TMEM117: variants seen among roughly 807,000 people sequenced by gnomAD.
TMEM117 encodes the protein transmembrane protein 117.
In TMEM117, 27 loss-of-function variants were observed where a neutral mutation model predicts 52.4. The observed-to-expected ratio is 0.51, with a 90% confidence interval of 0.38 to 0.71. The LOEUF is 0.71. TMEM117 is among the 30% of genes least tolerant of loss of function. The pLI, the probability that TMEM117 is intolerant of heterozygous loss-of-function variation, is 0.00. For missense variants in TMEM117, 556 were observed against 630.5 expected (o/e 0.88, Z 1.26); for synonymous variants, 215 against 206.3 (o/e 1.04, Z -0.36).
At chr12:44,009,750 C>T in intron 3 of TMEM117, 1 of 260,156 alleles carries the variant, frequency 3.8e-6, no homozygotes, top group Non-Finnish European at 8.2e-6. Context: ...TTTGTTTGAC[C>T]AGGTTCTCTC....
chr12:44,394,526 A>G (rs1952173019), downstream of TMEM117, among the ~76,000 whole-genome samples: 1 of 152,234 alleles, frequency 6.6e-6, no homozygotes, highest in Non-Finnish European at 1.5e-5. Context: ...CAGATCCCTT[A>G]GTTTAAAGCA....
chr12:43,858,969 T>C (rs1462637887), intron 2 of TMEM117, among the ~76,000 whole-genome samples: 1 of 152,122 alleles, frequency 6.6e-6, no homozygotes, highest in African/African-American at 2.4e-5. Context: ...GACAGTCTCT[T>C]TTGAAGGGGG....
At chr12:44,070,282 G>A (rs907488022) in intron 3 of TMEM117, among the ~76,000 whole-genome samples, 1 of 152,158 alleles carries the variant, frequency 6.6e-6, no homozygotes, top group African/African-American at 2.4e-5. Context: ...GATGGCTGCT[G>A]CAGCTCCAGA....
At chr12:44,157,312 T>C (rs1772375063) in intron 4 of TMEM117, among the ~76,000 whole-genome samples, 1 of 152,126 alleles carries the variant, frequency 6.6e-6, no homozygotes, top group African/African-American at 2.4e-5. Flanking sequence ...ACTTAGAGGA[T>C]ATGGCTGTGA....
At chr12:44,269,237 C>G (rs186522057) in intron 5 of TMEM117, among the ~76,000 whole-genome samples, 1 of 152,104 alleles carries the variant, frequency 6.6e-6, no homozygotes, top group Admixed American at 6.6e-5. Flanking sequence ...AATAAAAATT[C>G]AAGTAACACC....
At chr12:44,147,194 A>G (rs1451603032) in intron 4 of TMEM117, among the ~76,000 whole-genome samples, 3 of 152,196 alleles carry the variant, frequency 2.0e-5, no homozygotes, top group Non-Finnish European at 4.4e-5. Context: ...GGTCTTTGCT[A>G]TGGGCAGGAT....
At chr12:44,192,842 T>C (rs542713352) in intron 4 of TMEM117, among the ~76,000 whole-genome samples, 109 of 152,274 alleles carry the variant, frequency 7.2e-4, no homozygotes, top group Non-Finnish European at 1.3e-3. Context: ...TCCTGTTCTA[T>C]AAAATTGGGA....
the TMEM117 span, among the ~76,000 whole-genome samples, chr12:43,796,593 A>G: frequency 9.2e-5 from 14 of 152,248 alleles, no homozygotes; most frequent in African/African-American, 2.6e-4. Flanking sequence ...AATAATCACA[A>G]GTATGCAGCT....
intron 6 of TMEM117, among the ~76,000 whole-genome samples, chr12:44,345,344 A>G (rs1242276788): frequency 6.6e-6 from 1 of 152,158 alleles, no homozygotes; most frequent in South Asian, 2.1e-4. Context: ...TTCCTTTATC[A>G]TGTGGAATAG....
At position 43,939,016 on chromosome 12, in the gene TMEM117, T is replaced by A. The variant is rs555910474; in HGVS notation, c.278-5194T>A. On this transcript the variant is annotated intron_variant, in intron 2 of 7. Transcript: ENST00000266534. ...CTCCGTCTCAAAATAAAAAAAAAAA[T>A]AAAAAATAAAAAAAGAAAAGAAAAT... 3.4e-3 allele frequency among the ~76,000 whole-genome samples: 496 copies of A among 147,998 alleles called. 1 individual carries two copies. The highest frequency in any genetic ancestry group is 0.011 in the Admixed American group (169 of 14,912).
chr12:44,299,298 T>A (rs1950808072), intron 5 of TMEM117, among the ~76,000 whole-genome samples: 1 of 151,954 alleles, frequency 6.6e-6, no homozygotes, highest in Non-Finnish European at 1.5e-5. Flanking sequence ...GTTTGGCTAA[T>A]TTTTTTGTAT....
rs1211150713 is a variant in TMEM117, at chr12:44,143,585, A to G, written c.471A>G (p.Ala157=). 1 of 1,614,062 alleles carries G rather than the reference A, an allele frequency of 6.2e-7. No individual in the cohort carries two copies. Among genetic ancestry groups the G allele is most frequent in the Non-Finnish European group, 8.5e-7 (1 of 1,179,938 alleles). ...IRNESFMKLA[A]VGTWMGDFVT... ...ATGAAAGTTTCATGAAATTAGCTGC[A>G]GTAGGGACCTGGATGGGGGACTTTG... Residue 157 remains alanine, a synonymous_variant, in exon 4 of 8, where the codon GCA becomes GCG. Coordinates refer to ENST00000266534, the MANE Select transcript of TMEM117 (RefSeq NM_032256.3).
intron 3 of TMEM117, among the ~76,000 whole-genome samples, chr12:44,007,781 G>A (rs1409507870): frequency 6.6e-6 from 1 of 152,142 alleles, no homozygotes; most frequent in Non-Finnish European, 1.5e-5. Flanking sequence ...AGATCTGATG[G>A]TTTTGTAAAG....
At chr12:44,394,896 G>A in the TMEM117 span, among the ~76,000 whole-genome samples, 4,917 of 152,166 alleles carry the variant, frequency 0.032, 139 homozygotes, top group African/African-American at 0.07. Flanking sequence ...GTGGAATCAG[G>A]GCAACACTTC....
At chr12:43,916,812 A>G (rs563689631) in intron 2 of TMEM117, among the ~76,000 whole-genome samples, 1 of 152,272 alleles carries the variant, frequency 6.6e-6, no homozygotes, top group South Asian at 2.1e-4. Flanking sequence ...TAAGCCAGGT[A>G]GATATATCTG....
chr12:44,005,633 G>T (rs1390335212), intron 3 of TMEM117, among the ~76,000 whole-genome samples: 9 of 152,146 alleles, frequency 5.9e-5, no homozygotes, highest in Non-Finnish European at 1.3e-4. Context: ...AATCAGTTTT[G>T]CAAAATCTCC....
At position 43,915,339 on chromosome 12, in the gene TMEM117, C is replaced by T. The variant is rs116613299; in HGVS notation, c.278-28871C>T. 3.5e-3 allele frequency among the ~76,000 whole-genome samples: 534 copies of T among 152,272 alleles called. 6 individuals carry two copies. The highest frequency in any genetic ancestry group is 0.012 in the African/African-American group (498 of 41,548). ...AACAGAGGGGCAGACCGAAGTTAAC[C>T]CTCCTCTGTGGATCTTGGGCTTCCT... On this transcript the variant is annotated intron_variant, in intron 2 of 7. Transcript: ENST00000266534.
At chr12:44,279,502 C>A (rs1205052409) in intron 5 of TMEM117, among the ~76,000 whole-genome samples, 1 of 149,520 alleles carries the variant, frequency 6.7e-6, no homozygotes, top group Admixed American at 6.7e-5. Context: ...TTGCAATTTT[C>A]TTTTCTTTTC....
chr12:43,815,689 C>A, the TMEM117 span, among the ~76,000 whole-genome samples: 4 of 152,208 alleles, frequency 2.6e-5, no homozygotes, highest in African/African-American at 7.2e-5. Context: ...AGCCATAAAC[C>A]AAAGGGCTGC....
Sources: allele counts gnomAD v4.1 joint callset (sites outside exome capture counted in the v4.1 genomes callset), GRCh38; gene constraint gnomAD v4.1.1; transcripts MANE v1.5; gene names NCBI Gene and HGNC (gene_info 2026-07-23, HGNC 2026-07-21).